The following TMEM242 variants were observed in gnomAD, a reference collection of about 807,000 sequenced individuals.
The protein encoded by TMEM242 is transmembrane protein 242.
Under a neutral mutation model 18.2 loss-of-function variants are expected in TMEM242, and 10 were observed. The observed-to-expected ratio is 0.55, with a 90% CI of 0.34 to 0.93. The LOEUF (loss-of-function observed/expected upper bound fraction) is 0.93, where lower values mean the gene tolerates loss of function less well. Ranked by LOEUF, TMEM242 falls within the 40% of genes least tolerant of loss-of-function variation. The pLI is 0.02. For missense variants in TMEM242, 186 were observed against 175.5 expected, an observed-to-expected ratio of 1.06 and a Z score of -0.34; for synonymous variants, 57 against 69.9, an observed-to-expected ratio of 0.81 and a Z score of 0.92.
At chr6:157,315,109 T>C (rs1458897039) in intron 3 of TMEM242, among the ~76,000 whole-genome samples, 9 of 152,214 alleles carry the variant, frequency 5.9e-5, no homozygotes, top group African/African-American at 2.2e-4. Flanking sequence ...GACTGTTTTC[T>C]TAGTCATACA....
chr6:157,293,610 C>G (rs1441354705), intron 3 of TMEM242, among the ~76,000 whole-genome samples: 2 of 150,104 alleles, frequency 1.3e-5, no homozygotes, highest in African/African-American at 4.9e-5. Flanking sequence ...AAGAATAAAT[C>G]AAGGAATGGT....
intron 3 of TMEM242, among the ~76,000 whole-genome samples, chr6:157,310,841 T>TGCACTAATCCGGCCTCATCATAGTGC (rs1778016186): frequency 5.4e-5 from 1 of 18,502 alleles, no homozygotes; most frequent in South Asian, 1.7e-3. Context: ...CATCATAGTG[T>TGCACTAATCCGGCCTCATCATAGTGC]CCCAGTGTGC....
At position 157,318,883 on chromosome 6, in the gene TMEM242, A is replaced by T; in HGVS notation, c.226T>A (p.Ser76Thr). 1.2e-6 allele frequency: 2 copies of T among 1,610,200 alleles called. No individual in the cohort carries two copies. Among genetic ancestry groups the T allele is most frequent in the South Asian group, 2.2e-5 (2 of 89,996 alleles). Residue 76 changes from serine (S) to threonine (T), a missense_variant, in exon 3 of 4, where the codon TCT (serine) becomes ACT (threonine). Physicochemically the swap from Ser to Thr is moderately conservative, Grantham distance 58. Transcript: ENST00000400788. ...MATAALPESG[S>T]SLALRALGWG... is the part of the protein sequence containing the mutation. ...CCCAGAGCTCGCAAGGCAAGGGAAG[A>T]CCCGCTTTCCGGTAATGCAGCCGTG...
intron 3 of TMEM242, among the ~76,000 whole-genome samples, chr6:157,295,452 G>A (rs797026092): frequency 2.0e-4 from 30 of 152,246 alleles, no homozygotes; most frequent in African/African-American, 6.0e-4. Flanking sequence ...CTTTTACAAC[G>A]AAGCCAGATG....
At chr6:157,314,479 T>C (rs1296830102) in intron 3 of TMEM242, among the ~76,000 whole-genome samples, 3 of 152,180 alleles carry the variant, frequency 2.0e-5, no homozygotes, top group African/African-American at 7.2e-5. Flanking sequence ...ATCTTAATTA[T>C]AATCAAATAA....
At chr6:157,319,078 C>T (rs1346580423) in intron 2 of TMEM242, among the ~76,000 whole-genome samples, 159 bp from the exon 3 acceptor site, 2 of 152,214 alleles carry the variant, frequency 1.3e-5, no homozygotes, top group Non-Finnish European at 2.9e-5. Context: ...TAATTGCATG[C>T]CTTCTCTGAC....
At chr6:157,302,211 T>C (rs1777841391) in intron 3 of TMEM242, among the ~76,000 whole-genome samples, 1 of 152,228 alleles carries the variant, frequency 6.6e-6, no homozygotes, top group Non-Finnish European at 1.5e-5. Flanking sequence ...AAAAGGGTCA[T>C]CTTTATTTAA....
chr6:157,314,068 C>T (rs1475920010), intron 3 of TMEM242, among the ~76,000 whole-genome samples: 5 of 130,304 alleles, frequency 3.8e-5, no homozygotes, highest in African/African-American at 8.6e-5. Flanking sequence ...GTGCGCTCAC[C>T]CGGCCTCATC....
rs782594247 is a variant in TMEM242, at chr6:157,322,740, A to G, written c.154T>C (p.Leu52=). The G allele has an allele frequency of 1.3e-5, 21 of 1,613,954 alleles. No homozygotes were observed. The highest frequency in any genetic ancestry group is 3.3e-5 in the South Asian group (3 of 91,052). Residue 52 remains leucine (L), a synonymous_variant, in exon 2 of 4, where the codon TTG becomes CTG. Transcript: ENST00000400788. ...CATTCAGGGCTTTTCTTTTTAGCCA[A>G]TGATAATGTTGTAATAAATCCAGCT... ...MLAGFITTLS[L]AKKKSPEWFN...
intron 2 of TMEM242, among the ~76,000 whole-genome samples, chr6:157,319,910 A>C (rs182293691): frequency 3.9e-5 from 6 of 152,342 alleles, no homozygotes; most frequent in Non-Finnish European, 7.3e-5. Flanking sequence ...AATGGGGACC[A>C]CACATAACGG....
chr6:157,318,705 T>C (rs782308211), intron 3 of TMEM242, 77 bp downstream of exon 3: 1 of 1,585,666 alleles, frequency 6.3e-7, no homozygotes, highest in Non-Finnish European at 8.6e-7. Flanking sequence ...GCAAATAAAT[T>C]TGAAAACCAG....
At chr6:157,312,381 T>C (rs1409975499) in intron 3 of TMEM242, among the ~76,000 whole-genome samples, 1 of 135,222 alleles carries the variant, frequency 7.4e-6, no homozygotes, top group Non-Finnish European at 1.6e-5. Flanking sequence ...TCACCTGCCC[T>C]CATCATAGTA....
intron 3 of TMEM242, among the ~76,000 whole-genome samples, chr6:157,293,610 C>T (rs1441354705): frequency 6.7e-6 from 1 of 150,104 alleles, no homozygotes; most frequent in Non-Finnish European, 1.5e-5. Context: ...AAGAATAAAT[C>T]AAGGAATGGT....
chr6:157,290,734 C>T lies in TMEM242; in HGVS notation c.*2167G>A, dbSNP rs1196289983. On this transcript the variant is annotated 3_prime_UTR_variant, in exon 4 of 4. Transcript: ENST00000400788. ...TTTTCTTTTTAAATTTCCATCTGTG[C>T]ATTACTTCACCTTTGCTTTTAAGAT... The T allele has an allele frequency of 1.3e-5, 2 of 152,208 alleles. No individual in the cohort carries two copies. The highest frequency in any genetic ancestry group is 4.8e-5 in the African/African-American group (2 of 41,442). The allele number at this position is 152,208 out of a possible 1,614,324, so 9.4% of individuals were successfully genotyped here. A position where few individuals can be genotyped will look rare whatever the true frequency, so the allele number is the denominator to read the frequency against.
intron 3 of TMEM242, among the ~76,000 whole-genome samples, chr6:157,314,602 C>G (rs1180391892): frequency 4.6e-5 from 7 of 152,196 alleles, no homozygotes; most frequent in African/African-American, 1.7e-4. Flanking sequence ...ACTGATTTCT[C>G]CCCATTGTCA....
chr6:157,311,120 C>G (rs1453158532), intron 3 of TMEM242, among the ~76,000 whole-genome samples: 2 of 145,594 alleles, frequency 1.4e-5, no homozygotes, highest in Non-Finnish European at 3.0e-5. Context: ...GTGCACTCAC[C>G]TAGCCCCATC....
intron 3 of TMEM242, among the ~76,000 whole-genome samples, chr6:157,313,806 C>T: frequency 6.7e-6 from 1 of 148,552 alleles, no homozygotes; most frequent in South Asian, 2.2e-4. Context: ...CACGTGGCCT[C>T]ATCAGAGCGC....
At chr6:157,322,839 A>T (rs782449385) in intron 1 of TMEM242, 34 bp from the exon 2 acceptor site, 149 of 1,508,120 alleles carry the variant, frequency 9.9e-5, no homozygotes, top group African/African-American at 3.6e-4. Context: ...GGGGGATATT[A>T]AAAAAAATTA....
intron 3 of TMEM242, among the ~76,000 whole-genome samples, chr6:157,297,810 A>G (rs1777770468): frequency 6.6e-6 from 1 of 152,224 alleles, no homozygotes; most frequent in African/African-American, 2.4e-5. Flanking sequence ...AACATACCGT[A>G]TTATTAAATA....
Sources: gnomAD v4.1 joint callset for allele counts (sites outside exome capture counted in the v4.1 genomes callset) on GRCh38, gnomAD v4.1.1 for gene constraint, MANE v1.5 for transcripts, NCBI Gene and HGNC (gene_info 2026-07-23, HGNC 2026-07-21) for gene names.